TAFA2: variants seen among roughly 807,000 people sequenced by gnomAD.
TAFA2 encodes the protein TAFA chemokine like family member 2, also known as chemokine-like protein TAFA-2.
Under a neutral mutation model 18.8 loss-of-function variants are expected in TAFA2, and 7 were observed. The observed-to-expected ratio is 0.37, with a 90% confidence interval of 0.21 to 0.70. TAFA2 has a LOEUF of 0.70. TAFA2 is among the 30% of genes least tolerant of loss of function. The pLI is 0.53. For missense variants in TAFA2, 122 were observed against 158.1 expected (o/e 0.77, Z 1.23); for synonymous variants, 60 against 54.2 (o/e 1.11, Z -0.47).
At chr12:61,897,533 G>T (rs1470909065) in intron 1 of TAFA2, among the ~76,000 whole-genome samples, 1 of 152,086 alleles carries the variant, frequency 6.6e-6, no homozygotes, top group Non-Finnish European at 1.5e-5. Context: ...TTACATGGCA[G>T]CAGGTGAGAG....
At chr12:61,719,693 T>G (rs1277413008) in intron 4 of TAFA2, among the ~76,000 whole-genome samples, 1 of 152,166 alleles carries the variant, frequency 6.6e-6, no homozygotes, top group African/African-American at 2.4e-5. Context: ...ATGGTCTCTA[T>G]GAATTGATTT....
chr12:61,892,905 T>C (rs1875696846), intron 1 of TAFA2, among the ~76,000 whole-genome samples: 1 of 152,222 alleles, frequency 6.6e-6, no homozygotes, highest in Non-Finnish European at 1.5e-5. Context: ...TGTGTATATG[T>C]ATAAAATATA....
intron 1 of TAFA2, chr12:62,242,357 A>G (rs922543495): frequency 5.3e-5 from 8 of 152,038 alleles, no homozygotes; most frequent in Non-Finnish European, 1.2e-4. Flanking sequence ...AACAAGATAG[A>G]AGATAAAAGT....
intron 1 of TAFA2, among the ~76,000 whole-genome samples, chr12:62,058,313 A>G (rs1404761083): frequency 1.3e-5 from 2 of 152,090 alleles, no homozygotes; most frequent in African/African-American, 4.8e-5. Flanking sequence ...TCTTTCATCA[A>G]TTTTGGAAAT....
chr12:61,820,557 A>C (rs539353258), intron 2 of TAFA2, among the ~76,000 whole-genome samples: 2 of 152,154 alleles, frequency 1.3e-5, no homozygotes, highest in African/African-American at 4.8e-5. Context: ...GGAGAAAGAA[A>C]GGAAGGAAAA....
At chr12:61,756,225 G>A (rs982594004) in intron 2 of TAFA2, among the ~76,000 whole-genome samples, 1 of 152,034 alleles carries the variant, frequency 6.6e-6, no homozygotes, top group African/African-American at 2.4e-5. Context: ...AAACTCAAGT[G>A]TAACATACAG....
chr12:61,925,864 A>G (rs1276161002), intron 1 of TAFA2, among the ~76,000 whole-genome samples: 1 of 152,212 alleles, frequency 6.6e-6, no homozygotes, highest in Non-Finnish European at 1.5e-5. Context: ...GCAGAACTGA[A>G]GGAGATACAG....
intron 1 of TAFA2, among the ~76,000 whole-genome samples, chr12:61,909,586 A>G (rs1876513565): frequency 6.6e-6 from 1 of 152,182 alleles, no homozygotes; most frequent in Non-Finnish European, 1.5e-5. Context: ...AGGAGAGTGT[A>G]AGGATAAGGC....
chr12:61,790,199 T>G (rs1365680887), intron 2 of TAFA2, among the ~76,000 whole-genome samples: 1 of 147,540 alleles, frequency 6.8e-6, no homozygotes, highest in Non-Finnish European at 1.5e-5. Flanking sequence ...TCCCCAAAAT[T>G]AGGTATAAAG....
intron 1 of TAFA2, among the ~76,000 whole-genome samples, chr12:61,960,496 C>CA (rs1237304706): frequency 6.6e-6 from 1 of 151,980 alleles, no homozygotes; most frequent in East Asian, 1.9e-4. Flanking sequence ...ATTTTGTCTT[C>CA]AAAATTATCC....
intron 1 of TAFA2, among the ~76,000 whole-genome samples, chr12:62,098,854 G>A (rs1221856033): frequency 1.3e-5 from 2 of 152,098 alleles, no homozygotes; most frequent in African/African-American, 4.8e-5. Flanking sequence ...ATATTACTAT[G>A]ACTACCTACA....
At chr12:61,824,757 A>C (rs566461082) in intron 2 of TAFA2, among the ~76,000 whole-genome samples, 1 of 152,320 alleles carries the variant, frequency 6.6e-6, no homozygotes, top group African/African-American at 2.4e-5. Context: ...CCTGTTTTAT[A>C]AAAACTGCAG....
intron 1 of TAFA2, among the ~76,000 whole-genome samples, chr12:61,989,855 C>T (rs1250956501): frequency 1.3e-5 from 2 of 152,198 alleles, no homozygotes; most frequent in African/African-American, 4.8e-5. Flanking sequence ...AACTAACACA[C>T]CTTAAATGTG....
At chr12:62,043,629 A>G (rs372352136) in intron 1 of TAFA2, among the ~76,000 whole-genome samples, 3 of 152,314 alleles carry the variant, frequency 2.0e-5, no homozygotes, top group East Asian at 3.9e-4. Context: ...TAAAATTTAA[A>G]AAAAAGAATT....
chr12:62,110,205 C>CA (rs2136864299), intron 1 of TAFA2, among the ~76,000 whole-genome samples: 1 of 152,224 alleles, frequency 6.6e-6, no homozygotes, highest in East Asian at 1.9e-4. Context: ...TGAATTTTAT[C>CA]GAAGGCCTTT....
intron 1 of TAFA2, chr12:62,258,197 T>A (rs1386673783): frequency 3.9e-5 from 6 of 152,208 alleles, no homozygotes; most frequent in African/African-American, 1.4e-4. Flanking sequence ...ACTCTGTAAG[T>A]GCTTGCTAAA....
intron 4 of TAFA2, among the ~76,000 whole-genome samples, chr12:61,747,135 C>A (rs1292370837): frequency 2.0e-5 from 3 of 152,142 alleles, no homozygotes; most frequent in Admixed American, 6.5e-5. Context: ...CACTGGCCAT[C>A]AGAGAAATGC....
At chr12:61,867,014 G>A (rs34604177) in intron 2 of TAFA2, among the ~76,000 whole-genome samples, 44,361 of 151,514 alleles carry the variant, frequency 0.29, 7,103 homozygotes, top group South Asian at 0.39. Flanking sequence ...GTATACATGT[G>A]TCATGTTGGT....
intron 4 of TAFA2, among the ~76,000 whole-genome samples, chr12:61,716,240 T>C (rs910771634): frequency 6.6e-6 from 1 of 152,230 alleles, no homozygotes; most frequent in African/African-American, 2.4e-5. Context: ...ATGTTACTAG[T>C]CTTCTCTGAT....
Sources: gnomAD v4.1 joint callset for allele counts (sites outside exome capture counted in the v4.1 genomes callset) on GRCh38, gnomAD v4.1.1 for gene constraint, MANE v1.5 for transcripts, NCBI Gene and HGNC (gene_info 2026-07-23, HGNC 2026-07-21) for gene names.